The following USP39 variants were observed in gnomAD, a reference collection of about 807,000 sequenced individuals.
USP39 encodes the protein ubiquitin carboxyl-terminal hydrolase 39.
In USP39, 38 loss-of-function variants were observed where a neutral mutation model predicts 66.4. That is an observed-to-expected ratio of 0.57 (90% confidence interval 0.44 to 0.75). The LOEUF (loss-of-function observed/expected upper bound fraction) is 0.75. USP39 is among the 30% of genes least tolerant of loss of function. USP39 has a pLI of 0.00. For synonymous variants in USP39, 303 were observed against 274.6 expected (o/e 1.10, Z -1.02); for missense variants, 608 against 714.4 (o/e 0.85, Z 1.70).
chr2:85,602,886 G>C lies in USP39; in HGVS notation n.31G>C, dbSNP rs1673057668. 1 of 152,298 alleles carries C rather than the reference G, an allele frequency of 6.6e-6. No individual in the cohort carries two copies. The highest frequency in any genetic ancestry group is 1.5e-5 in the Non-Finnish European group (1 of 68,038). 9.4% of individuals were successfully genotyped at this position (152,298 alleles called of 1,614,324 possible). A position where few individuals can be genotyped will look rare whatever the true frequency, so the allele number is the denominator to read the frequency against. ...AACTTCGGAGGACCTGGGCGCGGAG[G>C]GCTGTGGCGTGAAGACCGCTCTAAA... On this transcript the variant is annotated non_coding_transcript_exon_variant, in exon 1 of 13. Transcript: ENST00000459775. The surrounding 1 kb of genome is among the most constrained non-coding windows in gnomAD (Gnocchi z 5.6).
At chr2:85,645,225 G>T in intron 11 of USP39, 142 bp downstream of exon 11, 3 of 1,035,124 alleles carry the variant, frequency 2.9e-6, no homozygotes, top group Non-Finnish European at 4.1e-6. Context: ...TCAGTAGTTA[G>T]TTTAAGGCAG....
In USP39 at chr2:85,639,238, C is replaced by T. The variant is rs368452502; in HGVS notation, c.1131C>T (p.Asp377=). ...AAAAAGAGCAGTTGCTCCATAATGA[C>T]GAGTACCAGGAGACAATGGTGGAGT... ...AEEKEQLLHN[D]EYQETMVEST... is the part of the protein sequence containing the mutation. The change falls in exon 9 of 13, where the codon GAC becomes GAT. Residue 377 remains aspartate, a synonymous_variant. Transcript: ENST00000323701. 1.4e-5 allele frequency: 22 copies of T among 1,613,292 alleles called. No homozygotes were observed. Among genetic ancestry groups the T allele is most frequent in the South Asian group, 3.3e-5 (3 of 90,958 alleles).
upstream of USP39, among the ~76,000 whole-genome samples, chr2:85,613,056 C>A (rs1558842487): frequency 6.6e-6 from 1 of 151,028 alleles, no homozygotes; most frequent in Non-Finnish European, 1.5e-5. Flanking sequence ...ATCAGGAATT[C>A]ATGATTAGGA....
At position 85,630,752 on chromosome 2, in the gene USP39, A is replaced by G. The variant is rs368012126; in HGVS notation, c.755A>G (p.Tyr252Cys). 9.3e-6 allele frequency: 15 copies of G among 1,614,202 alleles called. No homozygotes were observed. In the South Asian group the frequency reaches 1.5e-4, roughly 17 times the overall value. ...TCTAATGTTCCTCCTCTCCGGAACTACTTTCTGGAAGAAGACAATTATAAG... is the reference window on the plus strand; with the variant it reads ...TCTAATGTTCCTCCTCTCCGGAACTGCTTTCTGGAAGAAGACAATTATAAG... ...ALSNVPPLRN[Y>C]FLEEDNYKNI... The change falls in exon 6 of 13, where the codon TAC (tyrosine) becomes TGC (cysteine). Residue 252 changes from tyrosine (Y) to cysteine (C), a missense_variant. Physicochemically the swap from Tyr to Cys is radical, Grantham distance 194. Coordinates refer to ENST00000323701, the MANE Select transcript of USP39 (RefSeq NM_006590.4).
intron 6 of USP39, among the ~76,000 whole-genome samples, chr2:85,631,658 C>T (rs1012100553): frequency 1.3e-5 from 2 of 152,170 alleles, no homozygotes; most frequent in African/African-American, 2.4e-5. Flanking sequence ...CTGGGAAAGA[C>T]ACTAGCTTTT....
intron 10 of USP39, among the ~76,000 whole-genome samples, chr2:85,642,207 A>G (rs1676284829): frequency 6.6e-6 from 1 of 152,166 alleles, no homozygotes; most frequent in African/African-American, 2.4e-5. Context: ...TTTGCAGTTG[A>G]GAATTACAGG....
At chr2:85,624,564 C>T (rs890789099) in intron 4 of USP39, among the ~76,000 whole-genome samples, 1 of 152,122 alleles carries the variant, frequency 6.6e-6, no homozygotes, top group Non-Finnish European at 1.5e-5. Flanking sequence ...CTAAGTTGTT[C>T]ATGCTCTGTT....
chr2:85,611,383 G>T (rs1673514974), upstream of USP39: 1 of 1,462,408 alleles, frequency 6.8e-7, no homozygotes, highest in African/African-American at 1.4e-5. Flanking sequence ...TTGCTAGGTA[G>T]CGGAGCACCT....
chr2:85,608,753 C>T, upstream of USP39: 1 of 289,878 alleles, frequency 3.4e-6, no homozygotes, highest in Non-Finnish European at 6.1e-6. Context: ...TCAGGCTGGG[C>T]AAATGGGTCA....
At chr2:85,616,665 G>C (rs1484752863) in intron 1 of USP39, among the ~76,000 whole-genome samples, 3 of 139,406 alleles carry the variant, frequency 2.2e-5, no homozygotes, top group East Asian at 4.3e-4. Flanking sequence ...TAATCGTATA[G>C]TATTTCTTTT....
chr2:85,609,307 G>A, upstream of USP39: 1 of 1,375,386 alleles, frequency 7.3e-7, no homozygotes, highest in South Asian at 1.4e-5. Flanking sequence ...CTGCCCGGCA[G>A]GCCTAGACTC....
intron 3 of USP39, among the ~76,000 whole-genome samples, chr2:85,623,209 C>A (rs539547214): frequency 6.6e-6 from 1 of 152,076 alleles, no homozygotes. Context: ...ATTTGGAAAT[C>A]CAGGACTGAG....
chr2:85,617,110 A>AT (rs112788398), intron 1 of USP39, among the ~76,000 whole-genome samples: 9,795 of 133,662 alleles, frequency 0.073, 355 homozygotes, highest in Middle Eastern at 0.14. Context: ...TTAAAAAAGA[A>AT]TTTTTTTTTT....
intron 5 of USP39, among the ~76,000 whole-genome samples, chr2:85,627,334 G>C (rs1674952163): frequency 6.6e-6 from 1 of 151,906 alleles, no homozygotes; most frequent in East Asian, 1.9e-4. Flanking sequence ...TGACCTCGTG[G>C]TCCACCCGCC....
chr2:85,640,772 CTTTTTTTT>C (rs962406690), intron 9 of USP39, among the ~76,000 whole-genome samples, 196 bp from the exon 10 acceptor site: 1 of 128,640 alleles, frequency 7.8e-6, no homozygotes, highest in Non-Finnish European at 1.7e-5. Flanking sequence ...CAGGCCCGGC[CTTTTTTTT>C]TTTTTTTTTT....
chr2:85,623,923 C>G, intron 4 of USP39, 141 bp downstream of exon 4: 1 of 925,316 alleles, frequency 1.1e-6, no homozygotes, highest in South Asian at 1.8e-5. Flanking sequence ...TTGGGAAGAA[C>G]TGGGGAAACT....
chr2:85,649,026 C>T lies in USP39; in HGVS notation c.*218C>T, dbSNP rs1676860939. The T allele has an allele frequency of 3.4e-6, 2 of 595,978 alleles. No homozygotes were observed. Among genetic ancestry groups the T allele is most frequent in the Non-Finnish European group, 6.0e-6 (2 of 332,878 alleles). 36.9% of individuals were successfully genotyped at this position (595,978 alleles called of 1,614,324 possible). ...GATCATTTTTTTCTAGATTGATGCT[C>T]CTTTCTCCCATGCATTGAGCTCCCA... On this transcript the variant is annotated 3_prime_UTR_variant, in exon 13 of 13. Transcript: ENST00000323701.
At chr2:85,641,404 A>G (rs889673081) in intron 10 of USP39, among the ~76,000 whole-genome samples, 3 of 152,234 alleles carry the variant, frequency 2.0e-5, no homozygotes, top group Non-Finnish European at 4.4e-5. Flanking sequence ...AGGATAAGAC[A>G]GGTAGGATTC....
intron 9 of USP39, among the ~76,000 whole-genome samples, chr2:85,640,293 T>A (rs1394963073): frequency 1.4e-5 from 2 of 145,918 alleles, no homozygotes; most frequent in African/African-American, 2.5e-5. Context: ...GAGACATACT[T>A]TTTTTTTTTT....
Sources: allele counts gnomAD v4.1 joint callset (sites outside exome capture counted in the v4.1 genomes callset), GRCh38; gene constraint gnomAD v4.1.1; non-coding constraint Gnocchi (gnomAD v3.1); transcripts MANE v1.5; gene names NCBI Gene and HGNC (gene_info 2026-07-23, HGNC 2026-07-21).